The following DLG2 variants were observed in gnomAD, a reference collection of about 807,000 sequenced individuals.
DLG2 encodes discs large MAGUK scaffold protein 2, also known as disks large homolog 2.
In DLG2, 45 loss-of-function variants were observed where a neutral mutation model predicts 132.5. The observed-to-expected ratio is 0.34, with a 90% confidence interval of 0.27 to 0.44. The LOEUF is 0.44. Ranked by LOEUF, DLG2 falls within the 20% of genes least tolerant of loss-of-function variation. The pLI is 1.00. For missense variants in DLG2, 1,045 were observed against 1,196.9 expected (o/e 0.87, Z 1.87); for synonymous variants, 424 against 419.6 (o/e 1.01, Z -0.13).
chr11:84,795,742 C>T (rs992987122), intron 6 of DLG2, among the ~76,000 whole-genome samples: 11 of 152,132 alleles, frequency 7.2e-5, no homozygotes, highest in East Asian at 1.9e-4. Context: ...TGGATGTAGA[C>T]GCTTCCGGAG....
At chr11:83,816,121 T>C (rs953333800) in intron 17 of DLG2, among the ~76,000 whole-genome samples, 10 of 152,168 alleles carry the variant, frequency 6.6e-5, no homozygotes, top group Non-Finnish European at 1.5e-4. Flanking sequence ...TTGATATCTT[T>C]ATAAAAATGC....
intron 10 of DLG2, among the ~76,000 whole-genome samples, chr11:84,075,442 A>C (rs903040563): frequency 4.6e-5 from 7 of 152,214 alleles, no homozygotes; most frequent in Admixed American, 4.6e-4. Context: ...TAAAAAATGA[A>C]TTATTCAATG....
intron 6 of DLG2, among the ~76,000 whole-genome samples, chr11:84,962,865 C>T (rs1341732194): frequency 6.6e-6 from 1 of 152,192 alleles, no homozygotes; most frequent in Middle Eastern, 3.2e-3. Context: ...CAGCTGATAA[C>T]TTATTTCCCC....
chr11:84,260,154 T>C (rs759849471), intron 7 of DLG2, among the ~76,000 whole-genome samples: 1 of 152,146 alleles, frequency 6.6e-6, no homozygotes, highest in African/African-American at 2.4e-5. Flanking sequence ...TTTTTTCTAG[T>C]GCAGAAATGA....
rs559474160 is a variant in DLG2, at chr11:84,195,068, G to A, written c.574-31557C>T. ...TGGCGGGCTGAAGGGCTCCTCAAGC[G>A]TGGCCAGAATGGATGCTGTGGCCTG... On this transcript the variant is annotated intron_variant, in intron 8 of 27. Coordinates refer to ENST00000376104, the MANE Select transcript of DLG2 (RefSeq NM_001142699.3). 4.4e-4 allele frequency among the ~76,000 whole-genome samples: 67 copies of A among 152,328 alleles called. No individual in the cohort carries two copies. The South Asian group carries it at 6.2e-3, about 14-fold the overall frequency.
At chr11:85,275,678 T>G (rs1401721425) in intron 4 of DLG2, among the ~76,000 whole-genome samples, 3 of 152,152 alleles carry the variant, frequency 2.0e-5, no homozygotes, top group Non-Finnish European at 4.4e-5. Context: ...AGTCCATACT[T>G]TTATATAATT....
chr11:83,821,323 G>C (rs746369797), intron 17 of DLG2, among the ~76,000 whole-genome samples: 1 of 152,176 alleles, frequency 6.6e-6, no homozygotes, highest in Non-Finnish European at 1.5e-5. Flanking sequence ...TGTTGAGAGC[G>C]GTCATTGCAT....
At position 85,006,641 on chromosome 11, in the gene DLG2, G is replaced by A. The variant is rs548279525; in HGVS notation, c.357+105020C>T. ...TTTCTTCTTTATTAGTCTGGCTAGC[G>A]GTCTATCTATTATGTTGATCTTTTT... On this transcript the variant is annotated intron_variant, in intron 6 of 27. Transcript: ENST00000376104. Among the ~76,000 whole-genome samples, 73 of 151,762 alleles carry A rather than the reference G, an allele frequency of 4.8e-4. 1 individual carries two copies. The highest frequency in any genetic ancestry group is 3.4e-3 in the Middle Eastern group (1 of 294).
chr11:84,840,512 A>C (rs187125001), intron 6 of DLG2, among the ~76,000 whole-genome samples: 2 of 152,316 alleles, frequency 1.3e-5, no homozygotes. Context: ...AAGGATTATA[A>C]ATCATGCTAC....
At chr11:85,016,399 T>A (rs947927914) in intron 6 of DLG2, among the ~76,000 whole-genome samples, 17 of 152,170 alleles carry the variant, frequency 1.1e-4, no homozygotes, top group African/African-American at 3.9e-4. Flanking sequence ...AATCTTTTCA[T>A]TTTTTCCTCA....
At chr11:83,884,943 C>A (rs907295525) in intron 15 of DLG2, among the ~76,000 whole-genome samples, 2 of 152,158 alleles carry the variant, frequency 1.3e-5, no homozygotes, top group Non-Finnish European at 2.9e-5. Flanking sequence ...AAAAACCCAT[C>A]TGTACAACAC....
intron 3 of DLG2, among the ~76,000 whole-genome samples, chr11:85,376,805 G>A (rs2085440996): frequency 6.6e-6 from 1 of 152,180 alleles, no homozygotes; most frequent in Non-Finnish European, 1.5e-5. Context: ...ACTGTGGTAT[G>A]ATAGTGAGAG....
chr11:83,680,390 G>A (rs2078566446), intron 18 of DLG2, among the ~76,000 whole-genome samples: 2 of 152,096 alleles, frequency 1.3e-5, no homozygotes, highest in African/African-American at 4.8e-5. Flanking sequence ...ACACTTTTAG[G>A]ACCCTTCAGC....
intron 7 of DLG2, among the ~76,000 whole-genome samples, chr11:84,466,197 A>G (rs2099093907): frequency 6.6e-6 from 1 of 151,288 alleles, no homozygotes; most frequent in Non-Finnish European, 1.5e-5. Flanking sequence ...TGCATCATAG[A>G]ATTGGATGTT....
chr11:84,703,885 C>CAT (rs1479338901), intron 6 of DLG2, among the ~76,000 whole-genome samples: 3 of 69,246 alleles, frequency 4.3e-5, no homozygotes, highest in African/African-American at 2.5e-4. Context: ...TATATATATA[C>CAT]ACGTGTGTGT....
intron 6 of DLG2, among the ~76,000 whole-genome samples, chr11:84,920,657 G>T (rs1192044751): frequency 2.0e-5 from 3 of 152,008 alleles, no homozygotes; most frequent in Admixed American, 6.6e-5. Flanking sequence ...TCAAAAAATT[G>T]TAATAGATGA....
At chr11:83,875,608 C>A (rs2064562372) in intron 15 of DLG2, among the ~76,000 whole-genome samples, 1 of 152,154 alleles carries the variant, frequency 6.6e-6, no homozygotes, top group Admixed American at 6.5e-5. Context: ...AATAATTCAA[C>A]AGCCAACTTT....
intron 6 of DLG2, among the ~76,000 whole-genome samples, chr11:84,563,224 C>T (rs185281357): frequency 6.6e-5 from 10 of 152,268 alleles, no homozygotes; most frequent in Admixed American, 3.9e-4. Flanking sequence ...TTTTCAACCA[C>T]GTCTGATATT....
At chr11:83,733,118 G>A (rs1593280777) in intron 18 of DLG2, among the ~76,000 whole-genome samples, 2 of 151,658 alleles carry the variant, frequency 1.3e-5, no homozygotes, top group East Asian at 1.9e-4. Flanking sequence ...GTGGGTGCTC[G>A]TAATCCCAGC....
Sources: gnomAD v4.1 joint callset for allele counts (sites outside exome capture counted in the v4.1 genomes callset) on GRCh38, gnomAD v4.1.1 for gene constraint, MANE v1.5 for transcripts, NCBI Gene and HGNC (gene_info 2026-07-23, HGNC 2026-07-21) for gene names.